PCLO: variants seen among roughly 807,000 people sequenced by gnomAD.
The protein encoded by PCLO is protein piccolo.
PCLO carries 82 observed loss-of-function variants against 427.5 expected under a neutral mutation model. The ratio of observed to expected loss-of-function variants is 0.19; its 90% CI spans 0.16 to 0.23. The LOEUF is 0.23. PCLO is among the 10% of genes least tolerant of loss of function. The pLI is 1.00. For missense variants in PCLO, 6,239 were observed against 6,115.9 expected (o/e 1.02, Z -0.67); for synonymous variants, 2,357 against 2,155.4 (o/e 1.09, Z -2.59).
intron 22 of PCLO, among the ~76,000 whole-genome samples, chr7:82,773,281 A>T (rs1297892988): frequency 2.6e-5 from 4 of 152,202 alleles, no homozygotes; most frequent in Non-Finnish European, 5.9e-5. Flanking sequence ...AGGAAAAATA[A>T]TCTGTGTCTG....
At chr7:82,814,269 A>C (rs1791631264) in intron 20 of PCLO, among the ~76,000 whole-genome samples, 1 of 151,662 alleles carries the variant, frequency 6.6e-6, no homozygotes. Flanking sequence ...TTATAAATTA[A>C]CATCAAATGA....
chr7:82,843,946 A>T (rs770961210), intron 13 of PCLO, among the ~76,000 whole-genome samples: 27 of 152,176 alleles, frequency 1.8e-4, no homozygotes, highest in Non-Finnish European at 2.8e-4. Flanking sequence ...GATTACAGGC[A>T]TGAGCCACCA....
chr7:82,981,107 C>T (rs1007495733), intron 3 of PCLO, among the ~76,000 whole-genome samples: 4 of 151,846 alleles, frequency 2.6e-5, no homozygotes, highest in African/African-American at 9.7e-5. Context: ...AATATTTCTC[C>T]ACTGAATCAT....
At chr7:83,064,718 C>A (rs912248048) in intron 3 of PCLO, among the ~76,000 whole-genome samples, 1 of 152,006 alleles carries the variant, frequency 6.6e-6, no homozygotes, top group African/African-American at 2.4e-5. Flanking sequence ...CAGACAGATT[C>A]TCAGGGCACT....
chr7:82,759,993 A>G (rs2129467507), intron 24 of PCLO, among the ~76,000 whole-genome samples: 1 of 152,086 alleles, frequency 6.6e-6, no homozygotes, highest in African/African-American at 2.4e-5. Flanking sequence ...GGTCATCAGT[A>G]AGGAGATGAA....
At chr7:82,876,763 T>C (rs534320071) in intron 10 of PCLO, among the ~76,000 whole-genome samples, 8 of 152,192 alleles carry the variant, frequency 5.3e-5, no homozygotes, top group Admixed American at 6.5e-5. Context: ...GTGAATCTAA[T>C]AGAAATATTA....
At chr7:83,019,047 C>T (rs1788276939) in intron 3 of PCLO, among the ~76,000 whole-genome samples, 1 of 151,896 alleles carries the variant, frequency 6.6e-6, no homozygotes, top group African/African-American at 2.4e-5. Flanking sequence ...TTGCTCACAT[C>T]CTACAAAGAA....
In PCLO at chr7:82,954,733, T is replaced by C; in HGVS notation, c.6220A>G (p.Met2074Val). The change falls in exon 5 of 25, where the codon ATG (methionine) becomes GTG (valine). Residue 2074 changes from methionine to valine, a missense_variant. Met to Val is a conservative substitution (Grantham distance 21). Transcript: ENST00000333891. ...GGGCTAGATCCAGGTGTTAATTGCA[T>C]CTGTTGCCTCTTCATAAGTTCTTCA... ...AYEELMKRQQ[M>V]QLTPGSSPTQ... is the part of the protein sequence containing the mutation. The C allele has an allele frequency of 6.2e-7, 1 of 1,613,874 alleles. No individual in the cohort carries two copies. Among genetic ancestry groups the C allele is most frequent in the South Asian group, 1.1e-5 (1 of 91,076 alleles).
intron 3 of PCLO, among the ~76,000 whole-genome samples, chr7:83,023,147 A>G (rs913938318): frequency 4.6e-5 from 7 of 152,334 alleles, no homozygotes; most frequent in African/African-American, 7.2e-5. Flanking sequence ...ATTTTAAAAC[A>G]TAAAGTATTA....
intron 3 of PCLO, among the ~76,000 whole-genome samples, chr7:83,044,023 TA>T (rs1162877945): frequency 6.6e-6 from 1 of 151,040 alleles, no homozygotes; most frequent in East Asian, 2.0e-4. Context: ...GTAATTTATT[TA>T]AAAAAGAAGT....
At chr7:82,865,572 T>A (rs1449952629) in intron 10 of PCLO, among the ~76,000 whole-genome samples, 1 of 151,610 alleles carries the variant, frequency 6.6e-6, no homozygotes. Flanking sequence ...ATGGATTTAT[T>A]GTGTTAATTT....
chr7:82,942,310 T>C (rs945172485), intron 6 of PCLO, among the ~76,000 whole-genome samples: 10 of 152,242 alleles, frequency 6.6e-5, no homozygotes, highest in African/African-American at 2.4e-4. Flanking sequence ...GTCTCCCATG[T>C]TAAACTGGCA....
chr7:82,757,910 G>A lies in PCLO; in HGVS notation c.*665C>T, dbSNP rs1790350975. Reference sequence around the variant, plus strand: ...TGTTTCAAATGATACAGAAACAAATGTGCTTTTACCACATGGATTCCAAAG... The same window carrying A: ...TGTTTCAAATGATACAGAAACAAATATGCTTTTACCACATGGATTCCAAAG... On this transcript the variant is annotated 3_prime_UTR_variant, in exon 25 of 25. Transcript: ENST00000333891. The A allele has an allele frequency of 6.6e-6, 1 of 151,960 alleles. No homozygotes were observed. Among genetic ancestry groups the A allele is most frequent in the South Asian group, 2.1e-4 (1 of 4,836 alleles). 9.4% of individuals were successfully genotyped at this position (151,960 alleles called of 1,614,324 possible).
chr7:82,828,907 C>G (rs1792020162), intron 16 of PCLO, among the ~76,000 whole-genome samples: 1 of 152,110 alleles, frequency 6.6e-6, no homozygotes, highest in South Asian at 2.1e-4. Context: ...TGTAAACCAA[C>G]CTCTCTGTCT....
In PCLO at chr7:83,030,558, G is replaced by A. The variant is rs1788642226; in HGVS notation, c.3301-64071C>T. 2.0e-5 allele frequency among the ~76,000 whole-genome samples: 3 copies of A among 152,190 alleles called. No individual in the cohort carries two copies. In the South Asian group the frequency reaches 6.2e-4, roughly 32 times the overall value. On this transcript the variant is annotated intron_variant, in intron 3 of 24. Transcript: ENST00000333891. ...TACTGCAGTATATCCTAAGAGAAAG[G>A]ACCATGCAGCAGGGCTGGAATTACA...
At position 82,909,010 on chromosome 7, in the gene PCLO, T is replaced by C; in HGVS notation, c.13304A>G (p.Tyr4435Cys). 6.2e-7 allele frequency: 1 copy of C among 1,612,430 alleles called. No individual in the cohort carries two copies. ...FQHAMSDSEA[Y>C]HLRREETDWF... ...ATCTGTTTCCTCACGACGCAGATGA[T>C]AGGCTTTGGACACCAAGGAAACATC... Residue 4435 changes from tyrosine (Y) to cysteine (C), a missense_variant, in exon 8 of 25, where the codon TAT (tyrosine) becomes TGT (cysteine). Coordinates refer to ENST00000333891, the MANE Select transcript of PCLO (RefSeq NM_033026.6).
At position 82,952,187 on chromosome 7, in the gene PCLO, T is replaced by G. The variant is rs150404406; in HGVS notation, c.8766A>C (p.Lys2922Asn). The G allele has an allele frequency of 1.8e-4, 298 of 1,613,728 alleles. 1 individual carries two copies. The African/African-American group carries it at 3.5e-3, about 19-fold the overall frequency. The change falls in exon 5 of 25, where the codon AAA (lysine) becomes AAC (asparagine). Residue 2922 changes from lysine to asparagine, a missense_variant. By Grantham distance (94) the Lys-to-Asn change is moderately conservative. Around this residue, in one of 5 missense-constraint regions of PCLO, gnomAD observed 4,677 missense variants for 4,468.4 expected, o/e 1.05. Coordinates refer to ENST00000333891, the MANE Select transcript of PCLO (RefSeq NM_033026.6). The stretch of plus-strand genomic sequence containing the variant: ...CAACGGGTTTTTCATCTTCTATTAT[T>G]TTGGTCATCACACTTGAAGTAGACT... ...MDESTSSVMT[K>N]IIEDEKPVDL... is the part of the protein sequence containing the mutation.
At chr7:83,077,271 T>G (rs1789979200) in intron 3 of PCLO, among the ~76,000 whole-genome samples, 1 of 152,134 alleles carries the variant, frequency 6.6e-6, no homozygotes, top group Non-Finnish European at 1.5e-5. Context: ...TCTTCTCTTT[T>G]CCAGCTTGTG....
rs79394283 is a variant in PCLO, at chr7:82,792,727, G to T, written c.15007+8791C>A. On this transcript the variant is annotated intron_variant, in intron 22 of 24. Transcript: ENST00000333891. The stretch of plus-strand genomic sequence containing the variant: ...CGAACTCATAGTCAAATTGCTAAGA[G>T]AAACCCACTGCCAATTATTTTTTTT... Among the ~76,000 whole-genome samples, 497 of 152,200 alleles carry T rather than the reference G, an allele frequency of 3.3e-3. 16 individuals are homozygous for T. The East Asian group carries it at 0.066, about 20-fold the overall frequency.
Sources: allele counts gnomAD v4.1 joint callset (sites outside exome capture counted in the v4.1 genomes callset), GRCh38; gene constraint gnomAD v4.1.1; regional missense constraint gnomAD v4.1.1; transcripts MANE v1.5; gene names NCBI Gene and HGNC (gene_info 2026-07-23, HGNC 2026-07-21).